The following PLPPR1 variants were observed in gnomAD, a reference collection of about 807,000 sequenced individuals.
The protein encoded by PLPPR1 is phospholipid phosphatase-related protein type 1.
PLPPR1 carries 10 observed loss-of-function variants against 33.1 expected under a neutral mutation model. The ratio of observed to expected loss-of-function variants is 0.30; its 90% CI spans 0.19 to 0.51. The LOEUF (loss-of-function observed/expected upper bound fraction) is 0.51. Among genes scored for constraint, PLPPR1 ranks in the 20% least tolerant of loss-of-function variants. The probability of loss-of-function intolerance (pLI) is 0.97; values close to 1 mark genes in which losing one functional copy is unlikely to be tolerated. For synonymous variants in PLPPR1, 151 were observed against 151.0 expected (o/e 1.00, Z 0.00); for missense variants, 304 against 408.1 (o/e 0.74, Z 2.20).
At chr9:101,061,640 C>T (rs76103662) in intron 1 of PLPPR1, among the ~76,000 whole-genome samples, 2,192 of 152,002 alleles carry the variant, frequency 0.014, 59 homozygotes, top group African/African-American at 0.05. Context: ...CTCCCAGAGT[C>T]GTTTAGAGTT....
At chr9:101,196,128 A>T (rs1282344766) in intron 2 of PLPPR1, among the ~76,000 whole-genome samples, 2 of 152,102 alleles carry the variant, frequency 1.3e-5, no homozygotes, top group Non-Finnish European at 2.9e-5. Context: ...CATCATTGAT[A>T]TGTGTGGCTG....
intron 1 of PLPPR1, among the ~76,000 whole-genome samples, chr9:101,172,185 G>A (rs1029781685): frequency 3.9e-5 from 6 of 151,932 alleles, no homozygotes; most frequent in African/African-American, 1.5e-4. Flanking sequence ...ACTTGACCTG[G>A]GCCATGGGTC....
intron 2 of PLPPR1, among the ~76,000 whole-genome samples, chr9:101,256,913 C>T (rs1226771052): frequency 1.3e-5 from 2 of 152,068 alleles, no homozygotes; most frequent in Non-Finnish European, 2.9e-5. Context: ...GCTTCTAACA[C>T]CCCCAAGACA....
chr9:101,317,946 A>G (rs756863765), intron 7 of PLPPR1, among the ~76,000 whole-genome samples: 3 of 152,224 alleles, frequency 2.0e-5, no homozygotes, highest in Non-Finnish European at 4.4e-5. Context: ...ATTCAATGCA[A>G]CAGTACCTCC....
chr9:101,168,938 G>T (rs1233931531), intron 1 of PLPPR1, among the ~76,000 whole-genome samples: 4 of 152,136 alleles, frequency 2.6e-5, no homozygotes, highest in Non-Finnish European at 4.4e-5. Context: ...GAATCATAAT[G>T]GCAATGTAAT....
At chr9:101,209,865 T>A (rs549624578) in intron 2 of PLPPR1, among the ~76,000 whole-genome samples, 6 of 152,316 alleles carry the variant, frequency 3.9e-5, no homozygotes, top group Admixed American at 3.3e-4. Context: ...GCTGATCTAA[T>A]CATTTGCTCT....
intron 4 of PLPPR1, among the ~76,000 whole-genome samples, chr9:101,300,474 T>A (rs1055910749): frequency 6.6e-6 from 1 of 152,202 alleles, no homozygotes; most frequent in South Asian, 2.1e-4. Context: ...ATTTAAGTTA[T>A]TACATTAGAA....
chr9:101,041,364 A>T (rs984232393), intron 1 of PLPPR1, among the ~76,000 whole-genome samples: 4 of 152,230 alleles, frequency 2.6e-5, no homozygotes, highest in Non-Finnish European at 4.4e-5. Flanking sequence ...ATTTTATATT[A>T]ATATAAAGAC....
chr9:101,211,914 C>T (rs1826698630), intron 2 of PLPPR1, among the ~76,000 whole-genome samples: 1 of 152,192 alleles, frequency 6.6e-6, no homozygotes, highest in Admixed American at 6.5e-5. Flanking sequence ...CTCCACTTTA[C>T]ATACAAGGAA....
At chr9:101,244,954 C>G (rs1322505850) in intron 2 of PLPPR1, among the ~76,000 whole-genome samples, 2 of 151,860 alleles carry the variant, frequency 1.3e-5, no homozygotes, top group African/African-American at 4.8e-5. Context: ...CCTTATTAGT[C>G]ATTAGAGAAG....
At chr9:101,243,350 A>G (rs1259317046) in intron 2 of PLPPR1, among the ~76,000 whole-genome samples, 1 of 152,030 alleles carries the variant, frequency 6.6e-6, no homozygotes, top group African/African-American at 2.4e-5. Flanking sequence ...GCAAGACCCA[A>G]AGTTGGGAAT....
chr9:101,313,494 A>C lies in PLPPR1; in HGVS notation c.813+520A>C, dbSNP rs181515139. Among the ~76,000 whole-genome samples the C allele has an allele frequency of 1.6e-3, 237 of 152,308 alleles. 1 individual carries two copies. Among genetic ancestry groups the C allele is most frequent in the Admixed American group, 4.2e-3 (65 of 15,298 alleles). On this transcript the variant is annotated intron_variant, in intron 6 of 7. Coordinates refer to ENST00000374874, the MANE Select transcript of PLPPR1 (RefSeq NM_207299.2). The stretch of plus-strand genomic sequence containing the variant: ...GCAGATGATCACACCCGCCCTTTTT[A>C]GTGGGCCTCTGTTACTATTGGAACA...
chr9:101,029,287 C>G (rs1487246774), intron 1 of PLPPR1, among the ~76,000 whole-genome samples, 185 bp downstream of exon 1: 1 of 152,162 alleles, frequency 6.6e-6, no homozygotes, highest in Non-Finnish European at 1.5e-5. Context: ...CAGGGAGGGT[C>G]GCCTCCTGCG....
chr9:101,302,543 A>G (rs1353446799), intron 4 of PLPPR1, among the ~76,000 whole-genome samples: 1 of 152,204 alleles, frequency 6.6e-6, no homozygotes, highest in Non-Finnish European at 1.5e-5. Context: ...TGATGTGGAA[A>G]AGAAAAAGCA....
intron 1 of PLPPR1, among the ~76,000 whole-genome samples, chr9:101,130,993 G>A (rs1392420360): frequency 6.7e-6 from 1 of 149,456 alleles, no homozygotes; most frequent in Non-Finnish European, 1.5e-5. Context: ...GTAGATAAAG[G>A]TACACACATC....
chr9:101,053,211 A>G (rs1017526315), intron 1 of PLPPR1, among the ~76,000 whole-genome samples: 1 of 152,104 alleles, frequency 6.6e-6, no homozygotes, highest in Non-Finnish European at 1.5e-5. Context: ...TGGGGCCACC[A>G]TTATCTAATC....
At chr9:101,284,178 T>C (rs1280972990) in intron 3 of PLPPR1, among the ~76,000 whole-genome samples, 3 of 152,118 alleles carry the variant, frequency 2.0e-5, no homozygotes, top group Admixed American at 6.5e-5. Flanking sequence ...CAAAGAGATA[T>C]CTGAACTGCC....
At chr9:101,216,051 T>A (rs1826788034) in intron 2 of PLPPR1, among the ~76,000 whole-genome samples, 1 of 152,192 alleles carries the variant, frequency 6.6e-6, no homozygotes, top group Non-Finnish European at 1.5e-5. Flanking sequence ...TTTAGTTTTT[T>A]TGAGGAACCT....
At chr9:101,139,112 T>C (rs73495981) in intron 1 of PLPPR1, among the ~76,000 whole-genome samples, 2,713 of 152,238 alleles carry the variant, frequency 0.018, 73 homozygotes, top group African/African-American at 0.062. Flanking sequence ...TGAAGAAATA[T>C]AGATTATTTC....
Sources: allele counts gnomAD v4.1 joint callset (sites outside exome capture counted in the v4.1 genomes callset), GRCh38; gene constraint gnomAD v4.1.1; transcripts MANE v1.5; gene names NCBI Gene and HGNC (gene_info 2026-07-23, HGNC 2026-07-21).